Variants in SRGAP2C observed in about 807,000 individuals in gnomAD.
SRGAP2C encodes the protein SLIT-ROBO Rho GTPase activating protein 2C.
In SRGAP2C, 15 loss-of-function variants were observed where a neutral mutation model predicts 25.1. The observed-to-expected ratio is 0.60, with a 90% confidence interval of 0.40 to 0.92. The LOEUF is 0.92. Among genes scored for constraint, SRGAP2C ranks in the 40% least tolerant of loss-of-function variants. The pLI, the probability that SRGAP2C is intolerant of heterozygous loss-of-function variation, is 0.00. For synonymous variants in SRGAP2C, 44 were observed against 96.6 expected, an observed-to-expected ratio of 0.46 and a Z score of 3.19; for missense variants, 144 against 264.4, an observed-to-expected ratio of 0.54 and a Z score of 3.16.
intron 8 of SRGAP2C, among the ~76,000 whole-genome samples, chr1:121,385,342 TC>T (rs2101682410): frequency 2.0e-5 from 2 of 100,160 alleles, no homozygotes; most frequent in South Asian, 8.4e-4. Flanking sequence ...ACTGGTGACA[TC>T]AGGCAGCCAG....
intron 3 of SRGAP2C, among the ~76,000 whole-genome samples, chr1:121,308,651 A>G (rs1228952210): frequency 1.3e-5 from 2 of 152,044 alleles, no homozygotes; most frequent in Non-Finnish European, 2.9e-5. Flanking sequence ...TGCAAAAAAA[A>G]GTATGGGCCG....
intron 5 of SRGAP2C, among the ~76,000 whole-genome samples, chr1:121,372,322 A>G (rs1553351390): frequency 6.6e-6 from 1 of 152,120 alleles, no homozygotes; most frequent in African/African-American, 2.4e-5. Context: ...TGGGCCAGAT[A>G]ATTAATTGTT....
At chr1:121,272,303 G>A (rs1656985056) in intron 2 of SRGAP2C, among the ~76,000 whole-genome samples, 1 of 151,096 alleles carries the variant, frequency 6.6e-6, no homozygotes, top group African/African-American at 2.4e-5. Flanking sequence ...TTACAGAATA[G>A]GGACATTCTT....
At chr1:121,294,663 C>T (rs1271889989) in intron 3 of SRGAP2C, among the ~76,000 whole-genome samples, 1,682 of 107,144 alleles carry the variant, frequency 0.016, 65 homozygotes, top group Non-Finnish European at 0.023. Flanking sequence ...TGATCTCCTG[C>T]TTTTAATAGC....
intron 2 of SRGAP2C, among the ~76,000 whole-genome samples, chr1:121,198,285 T>G (rs1654889956): frequency 6.6e-6 from 1 of 151,582 alleles, no homozygotes; most frequent in Admixed American, 6.6e-5. Context: ...CTCTTTGTTT[T>G]TTTTTTTTGT....
chr1:121,271,354 G>A (rs1309739010), intron 2 of SRGAP2C, among the ~76,000 whole-genome samples: 2 of 147,660 alleles, frequency 1.4e-5, no homozygotes, highest in African/African-American at 5.0e-5. Flanking sequence ...TTGGGCAACA[G>A]TAACATGAGT....
intron 2 of SRGAP2C, among the ~76,000 whole-genome samples, chr1:121,219,118 G>A (rs565735): frequency 5.3e-5 from 8 of 150,888 alleles, no homozygotes; most frequent in African/African-American, 7.5e-5. Context: ...TATTATATAA[G>A]AATTTAATAT....
chr1:121,359,794 G>T (rs1659145780), intron 4 of SRGAP2C, among the ~76,000 whole-genome samples: 1 of 151,978 alleles, frequency 6.6e-6, no homozygotes. Context: ...AGAAAGAAAA[G>T]AAAAAAAGAA....
chr1:121,338,797 A>AAGT (rs1342433913), intron 4 of SRGAP2C, among the ~76,000 whole-genome samples: 1 of 139,724 alleles, frequency 7.2e-6, no homozygotes, highest in Non-Finnish European at 1.5e-5. Context: ...CAGGACTGAG[A>AAGT]AGTAACATCT....
chr1:121,315,228 G>C (rs1553340493), intron 3 of SRGAP2C, among the ~76,000 whole-genome samples: 92,711 of 150,732 alleles, frequency 0.62, 28,767 homozygotes, highest in East Asian at 0.8. Context: ...ACTATGGCCT[G>C]AAGCTCCTGG....
At chr1:121,211,389 G>A (rs1655248708) in intron 2 of SRGAP2C, among the ~76,000 whole-genome samples, 1 of 135,430 alleles carries the variant, frequency 7.4e-6, no homozygotes, top group East Asian at 2.4e-4. Context: ...CTGGTTACAT[G>A]TTGAGAGAGA....
intron 3 of SRGAP2C, among the ~76,000 whole-genome samples, chr1:121,315,898 C>A (rs1239356599): frequency 1.3e-5 from 1 of 76,732 alleles, no homozygotes; most frequent in Non-Finnish European, 2.5e-5. Flanking sequence ...CCTTACTGGG[C>A]CTGGGGGTTT....
chr1:121,285,402 T>TCACACACACACACACACA (rs1452003957), intron 3 of SRGAP2C, among the ~76,000 whole-genome samples: 1 of 128,230 alleles, frequency 7.8e-6, no homozygotes, highest in African/African-American at 2.8e-5. Context: ...TCTCTCTCTC[T>TCACACACACACACACACA]CTCACACACA....
intron 3 of SRGAP2C, among the ~76,000 whole-genome samples, chr1:121,301,048 A>AC (rs1657691404): frequency 1.3e-5 from 1 of 75,014 alleles, no homozygotes; most frequent in South Asian, 3.3e-4. Flanking sequence ...TCTCAAAAAA[A>AC]AACAACAACA....
At chr1:121,239,188 A>AC (rs1656034757) in intron 2 of SRGAP2C, among the ~76,000 whole-genome samples, 1 of 1,900 alleles carries the variant, frequency 5.3e-4, no homozygotes, top group Admixed American at 8.8e-3. Context: ...CTATATATAT[A>AC]TATATATATA....
chr1:121,237,316 TA>T (rs1655982494), intron 2 of SRGAP2C, among the ~76,000 whole-genome samples: 1 of 149,840 alleles, frequency 6.7e-6, no homozygotes, highest in African/African-American at 2.5e-5. Context: ...CATAGGTGAG[TA>T]GTGAGGAGCT....
chr1:121,273,691 GA>G (rs1237655286), intron 2 of SRGAP2C, among the ~76,000 whole-genome samples: 57 of 151,914 alleles, frequency 3.8e-4, no homozygotes, highest in African/African-American at 1.3e-3. Context: ...CTGCATCTCT[GA>G]ACAGTCCACT....
chr1:121,289,455 G>T (rs1388389503), intron 3 of SRGAP2C, among the ~76,000 whole-genome samples: 2 of 150,904 alleles, frequency 1.3e-5, no homozygotes, highest in African/African-American at 2.4e-5. Context: ...CGCAAGCGCC[G>T]CACGCAGCCC....
intron 7 of SRGAP2C, among the ~76,000 whole-genome samples, chr1:121,375,734 C>T (rs1460767533): frequency 1.3e-5 from 2 of 151,828 alleles, no homozygotes; most frequent in Admixed American, 1.3e-4. Flanking sequence ...ATTTGTATAG[C>T]ATTTAAGGTT....
Sources: allele counts gnomAD v4.1 joint callset (sites outside exome capture counted in the v4.1 genomes callset), GRCh38; gene constraint gnomAD v4.1.1; transcripts MANE v1.5; gene names NCBI Gene and HGNC (gene_info 2026-07-23, HGNC 2026-07-21).